SPMAP2: variants seen among roughly 807,000 people sequenced by gnomAD.
SPMAP2 encodes the protein Theg homolog.
At chr19:374,105 GGGC>G in the SPMAP2 span, 1 of 1,487,350 alleles carries the variant, frequency 6.7e-7, no homozygotes, top group East Asian at 2.4e-5. Context: ...ACCGCCCAGA[GGGC>G]CACCGTTCCC....
At chr19:363,623 C>A in the SPMAP2 span, among the ~76,000 whole-genome samples, 5 of 151,796 alleles carry the variant, frequency 3.3e-5, no homozygotes, top group Non-Finnish European at 5.9e-5. Context: ...AACCTCCGCT[C>A]CCCAGGATCA....
At chr19:369,077 G>C in the SPMAP2 span, among the ~76,000 whole-genome samples, 1 of 152,278 alleles carries the variant, frequency 6.6e-6, no homozygotes, top group Non-Finnish European at 1.5e-5. Context: ...AAATGTCCTT[G>C]TCTGTTAGAA....
chr19:367,726 C>G, the SPMAP2 span, among the ~76,000 whole-genome samples: 52,920 of 151,866 alleles, frequency 0.35, 9,897 homozygotes, highest in Middle Eastern at 0.44. Flanking sequence ...GCGCTTGACC[C>G]GAGGAAGTGG....
the SPMAP2 span, among the ~76,000 whole-genome samples, chr19:370,347 G>T: frequency 1.4e-5 from 2 of 146,758 alleles, no homozygotes; most frequent in African/African-American, 2.5e-5. Flanking sequence ...TCACAGTTTT[G>T]TTTTTTTTTT....
At chr19:364,143 C>G in the SPMAP2 span, among the ~76,000 whole-genome samples, 2 of 150,188 alleles carry the variant, frequency 1.3e-5, no homozygotes, top group African/African-American at 2.4e-5. Flanking sequence ...ACCATCCTGG[C>G]TCACACGGTG....
chr19:363,650 C>A, the SPMAP2 span, among the ~76,000 whole-genome samples: 1 of 152,074 alleles, frequency 6.6e-6, no homozygotes, highest in African/African-American at 2.4e-5. Context: ...TCTCCTGCCT[C>A]AGCCTCCCGA....
the SPMAP2 span, chr19:372,584 T>C: frequency 6.3e-7 from 1 of 1,586,744 alleles, no homozygotes; most frequent in Non-Finnish European, 8.7e-7. Flanking sequence ...AAGGCATTTC[T>C]GCCAAACTCT....
chr19:373,621 G>T, the SPMAP2 span: 1 of 1,322,326 alleles, frequency 7.6e-7, no homozygotes, highest in African/African-American at 1.5e-5. Flanking sequence ...GAGGGTGGCC[G>T]AGGTGGGGTG....
the SPMAP2 span, chr19:362,333 A>G: frequency 5.6e-6 from 9 of 1,610,366 alleles, no homozygotes; most frequent in Non-Finnish European, 7.6e-6. Context: ...CAGGGAGATG[A>G]TCCGGGGGCT....
chr19:368,029 C>A, the SPMAP2 span, among the ~76,000 whole-genome samples: 1 of 152,052 alleles, frequency 6.6e-6, no homozygotes, highest in Non-Finnish European at 1.5e-5. This position sits in a 1 kb window ranked among gnomAD's most constrained non-coding sequence, Gnocchi z 4.1. Context: ...GGAGACCTTG[C>A]GGACGTTTCA....
chr19:368,049 T>G, the SPMAP2 span, among the ~76,000 whole-genome samples: 1 of 152,004 alleles, frequency 6.6e-6, no homozygotes, highest in Non-Finnish European at 1.5e-5. This position sits in a 1 kb window ranked among gnomAD's most constrained non-coding sequence, Gnocchi z 4.1. Context: ...ACCCAGAAAC[T>G]TGGCACCCTT....
chr19:375,811 C>G, the SPMAP2 span: 2 of 1,609,836 alleles, frequency 1.2e-6, no homozygotes, highest in Non-Finnish European at 1.7e-6. Context: ...GGTCCCAGCT[C>G]TGCATTGTCC....
the SPMAP2 span, among the ~76,000 whole-genome samples, chr19:369,449 C>T: frequency 6.6e-6 from 1 of 151,800 alleles, no homozygotes; most frequent in Non-Finnish European, 1.5e-5. Context: ...CCAGAGCTCA[C>T]TCCCCTCCCA....
At chr19:374,325 C>G in the SPMAP2 span, 1 of 1,614,122 alleles carries the variant, frequency 6.2e-7, no homozygotes, top group East Asian at 2.2e-5. Context: ...GCCAGTTTAT[C>G]TTGGGCTCTG....
At chr19:365,970 G>C in the SPMAP2 span, among the ~76,000 whole-genome samples, 4 of 152,114 alleles carry the variant, frequency 2.6e-5, no homozygotes, top group Admixed American at 2.6e-4. Context: ...GTGAAAACCT[G>C]TCTCTACTAA....
the SPMAP2 span, chr19:362,565 A>G: frequency 8.6e-6 from 5 of 581,766 alleles, no homozygotes; most frequent in Admixed American, 1.8e-4. Flanking sequence ...GTCAGGAGTT[A>G]GAGATCAGCC....
At chr19:367,852 C>G in the SPMAP2 span, among the ~76,000 whole-genome samples, 3 of 152,102 alleles carry the variant, frequency 2.0e-5, no homozygotes, top group African/African-American at 4.8e-5. Flanking sequence ...AGAGGGCAAC[C>G]CAGCAATTAG....
At chr19:369,067 A>G in the SPMAP2 span, among the ~76,000 whole-genome samples, 1 of 152,158 alleles carries the variant, frequency 6.6e-6, no homozygotes. Flanking sequence ...TCGTGTTTTA[A>G]AATGTCCTTG....
chr19:375,164 T>C, the SPMAP2 span, among the ~76,000 whole-genome samples: 1 of 152,166 alleles, frequency 6.6e-6, no homozygotes, highest in Non-Finnish European at 1.5e-5. Flanking sequence ...CTCCAGCAAC[T>C]GCCCAAAATC....
Sources: allele counts gnomAD v4.1 joint callset (sites outside exome capture counted in the v4.1 genomes callset), GRCh38; gene constraint gnomAD v4.1.1; non-coding constraint Gnocchi (gnomAD v3.1); transcripts MANE v1.5; gene names NCBI Gene and HGNC (gene_info 2026-07-23, HGNC 2026-07-21).